ALK: variants seen among roughly 807,000 people sequenced by gnomAD.
ALK encodes ALK tyrosine kinase receptor.
ALK carries 74 observed loss-of-function variants against 163.1 expected under a neutral mutation model. That is an observed-to-expected ratio of 0.45 (90% confidence interval 0.38 to 0.55). The LOEUF is 0.55. Ranked by LOEUF, ALK falls within the 20% of genes least tolerant of loss-of-function variation. The pLI is 0.00. For missense variants in ALK, 2,063 were observed against 2,105.3 expected (o/e 0.98, Z 0.39); for synonymous variants, 960 against 843.2 (o/e 1.14, Z -2.40).
intron 4 of ALK, among the ~76,000 whole-genome samples, chr2:29,510,360 C>A (rs1439310615): frequency 6.6e-6 from 1 of 152,098 alleles, no homozygotes; most frequent in East Asian, 1.9e-4. Flanking sequence ...AATGAATAAA[C>A]CAATATTTGT....
intron 2 of ALK, among the ~76,000 whole-genome samples, chr2:29,707,933 A>G (rs1678960923): frequency 1.3e-5 from 2 of 152,202 alleles, no homozygotes; most frequent in African/African-American, 4.8e-5. Flanking sequence ...AATACAACTC[A>G]CAAGAATCAG....
intron 3 of ALK, among the ~76,000 whole-genome samples, chr2:29,594,278 T>G (rs1233913685): frequency 3.9e-5 from 6 of 152,338 alleles, no homozygotes; most frequent in Non-Finnish European, 8.8e-5. Context: ...ATATTGTGTC[T>G]GTATGGTGGA....
At chr2:29,558,593 C>T (rs974479816) in intron 3 of ALK, among the ~76,000 whole-genome samples, 83 of 152,158 alleles carry the variant, frequency 5.5e-4, no homozygotes, top group African/African-American at 1.9e-3. Context: ...TTGGAATCTG[C>T]TCACCCTTCA....
chr2:29,917,217 T>C (rs1489467115), intron 1 of ALK, among the ~76,000 whole-genome samples: 1 of 152,142 alleles, frequency 6.6e-6, no homozygotes, highest in Non-Finnish European at 1.5e-5. Flanking sequence ...CCACAAAACA[T>C]GGAAGAACAA....
intron 4 of ALK, among the ~76,000 whole-genome samples, chr2:29,521,795 C>T (rs1226596192): frequency 1.3e-5 from 2 of 152,172 alleles, no homozygotes; most frequent in Non-Finnish European, 2.9e-5. Context: ...TTCCATCACC[C>T]GATTCCATCT....
intron 26 of ALK, among the ~76,000 whole-genome samples, chr2:29,201,743 C>A (rs1387058904): frequency 6.7e-6 from 1 of 150,328 alleles, no homozygotes; most frequent in Non-Finnish European, 1.5e-5. Context: ...GCTGAGATGG[C>A]GCCACTGTAC....
chr2:29,805,399 C>T (rs1021141333), intron 1 of ALK, among the ~76,000 whole-genome samples: 17 of 152,128 alleles, frequency 1.1e-4, no homozygotes, highest in African/African-American at 4.1e-4. Flanking sequence ...ACATGGCATA[C>T]ATAAATGTGT....
intron 27 of ALK, 117 bp from the exon 28 acceptor site, chr2:29,196,977 G>T (rs558201801): frequency 1.2e-6 from 1 of 816,186 alleles, no homozygotes; most frequent in Non-Finnish European, 2.1e-6. Context: ...TCTAGGCCCC[G>T]TGTACTTGGC....
chr2:29,720,748 T>C (rs556632132), intron 1 of ALK, among the ~76,000 whole-genome samples: 58 of 152,328 alleles, frequency 3.8e-4, no homozygotes, highest in African/African-American at 1.3e-3. Context: ...TCAAGCTCTT[T>C]ACCCTTGCCC....
chr2:29,611,891 C>A (rs989266802), intron 3 of ALK, among the ~76,000 whole-genome samples: 19 of 152,186 alleles, frequency 1.2e-4, no homozygotes, highest in Non-Finnish European at 1.5e-5. Flanking sequence ...CAAATATACC[C>A]TTTTTCTTCG....
At chr2:29,746,901 A>T (rs1424440774) in intron 1 of ALK, among the ~76,000 whole-genome samples, 1 of 152,234 alleles carries the variant, frequency 6.6e-6, no homozygotes, top group Non-Finnish European at 1.5e-5. Context: ...ATGACGAAAT[A>T]AGCCATGAGG....
intron 1 of ALK, among the ~76,000 whole-genome samples, chr2:29,778,120 C>T (rs1449129315): frequency 6.6e-6 from 1 of 152,156 alleles, no homozygotes; most frequent in Non-Finnish European, 1.5e-5. Flanking sequence ...CAGGGGAGTC[C>T]TCAGGACAGG....
chr2:29,365,771 G>C (rs916541429), intron 5 of ALK, among the ~76,000 whole-genome samples: 1 of 152,108 alleles, frequency 6.6e-6, no homozygotes, highest in Admixed American at 6.5e-5. Context: ...AACTGTCATG[G>C]AAATTTTCTC....
At chr2:29,852,128 C>T (rs917117849) in intron 1 of ALK, among the ~76,000 whole-genome samples, 2 of 152,192 alleles carry the variant, frequency 1.3e-5, no homozygotes, top group East Asian at 1.9e-4. Flanking sequence ...AGAAACGAAG[C>T]CCCTATGTAG....
chr2:29,588,208 A>G (rs116026098), intron 3 of ALK, among the ~76,000 whole-genome samples: 1,577 of 152,234 alleles, frequency 0.01, 18 homozygotes, highest in South Asian at 0.051. Flanking sequence ...ATTCATGGAA[A>G]AAGAGATGAG....
intron 3 of ALK, among the ~76,000 whole-genome samples, chr2:29,637,154 A>T (rs1313381744): frequency 1.3e-5 from 2 of 152,232 alleles, no homozygotes; most frequent in Admixed American, 6.5e-5. Context: ...GAGCAATTTT[A>T]TTCATAATGG....
chr2:29,611,638 G>T (rs1046074387), intron 3 of ALK, among the ~76,000 whole-genome samples: 3 of 152,162 alleles, frequency 2.0e-5, no homozygotes, highest in African/African-American at 7.2e-5. Flanking sequence ...CCACAGTTAG[G>T]GGGAGGGGCC....
chr2:29,409,368 C>T (rs1558311992), intron 4 of ALK, among the ~76,000 whole-genome samples: 1 of 152,180 alleles, frequency 6.6e-6, no homozygotes, highest in East Asian at 1.9e-4. Flanking sequence ...CTCACAGTCT[C>T]AGTGCTGCTT....
rs150292405 is a variant in ALK at position 29,233,622 on chromosome 2, G to C, written c.2430C>G (p.Ser810Arg). The C allele has an allele frequency of 2.5e-6, 4 of 1,614,044 alleles. No individual in the cohort carries two copies. The highest frequency in any genetic ancestry group is 3.4e-6 in the Non-Finnish European group (4 of 1,180,034). Residue 810 changes from serine (S) to arginine (R), a missense_variant, in exon 14 of 29, where the codon AGC becomes AGG. Physicochemically the swap from Ser to Arg is moderately radical, Grantham distance 110. Transcript: ENST00000389048. ...VIEEEIRVNR[S>R]VHEWAGGGGG... ...CTCCGCCTCCTGCCCACTCATGCAC[G>C]CTTCTGTTCACACGGATTTCTTCTT...
Sources: allele counts gnomAD v4.1 joint callset (sites outside exome capture counted in the v4.1 genomes callset), GRCh38; gene constraint gnomAD v4.1.1; transcripts MANE v1.5; gene names NCBI Gene and HGNC (gene_info 2026-07-23, HGNC 2026-07-21).